Variants in PPP1R1A observed in about 807,000 individuals in gnomAD.
The protein encoded by PPP1R1A is protein phosphatase 1 regulatory subunit 1A.
PPP1R1A carries 18 observed loss-of-function variants against 23.9 expected under a neutral mutation model. The ratio of observed to expected loss-of-function variants is 0.75; its 90% CI spans 0.52 to 1.12. PPP1R1A has a LOEUF of 1.12. PPP1R1A is among the 50% of genes most tolerant of loss of function. PPP1R1A has a pLI of 0.00. For synonymous variants in PPP1R1A, 84 were observed against 80.7 expected (o/e 1.04, Z -0.22); for missense variants, 207 against 223.8 (o/e 0.92, Z 0.48).
intron 4 of PPP1R1A, 77 bp downstream of exon 4, chr12:54,582,655 C>T: frequency 6.6e-7 from 1 of 1,516,038 alleles, no homozygotes; most frequent in Non-Finnish European, 9.1e-7. Context: ...TTAACGACCT[C>T]CCTTCCAAAG....
chr12:54,583,383 G>A (rs1331809616), intron 2 of PPP1R1A, 135 bp from the exon 3 acceptor site: 12 of 813,396 alleles, frequency 1.5e-5, no homozygotes, highest in Non-Finnish European at 1.9e-5. Context: ...CCAGGCTCTT[G>A]GCCCTCATGG....
chr12:54,584,459 C>A (rs953012159), intron 1 of PPP1R1A, 139 bp from the exon 2 acceptor site: 1 of 763,746 alleles, frequency 1.3e-6, no homozygotes, highest in Non-Finnish European at 2.1e-6. Flanking sequence ...CAGCTGGAGG[C>A]CATTATCCTA....
At chr12:54,585,101 T>C (rs1442362839) in intron 1 of PPP1R1A, among the ~76,000 whole-genome samples, 2 of 152,212 alleles carry the variant, frequency 1.3e-5, no homozygotes, top group Admixed American at 6.5e-5. Context: ...CCCCCCAGCC[T>C]GGGAGGACAG....
At chr12:54,585,898 A>C (rs1002437358) in intron 1 of PPP1R1A, among the ~76,000 whole-genome samples, 1 of 152,196 alleles carries the variant, frequency 6.6e-6, no homozygotes, top group Non-Finnish European at 1.5e-5. Context: ...AGGTCCCCGC[A>C]GTACCAGTCC....
At chr12:54,588,352 G>T in intron 1 of PPP1R1A, 53 bp downstream of exon 1, 2 of 1,439,106 alleles carry the variant, frequency 1.4e-6, no homozygotes, top group African/African-American at 1.5e-5. Flanking sequence ...CCAGTCCAGG[G>T]GTCCCTCGTC....
In PPP1R1A at chr12:54,582,017, G is replaced by C; in HGVS notation, c.362C>G (p.Thr121Arg). ...QESRPPGIPD[T>R]EVESRLGTSG... ...GGTGCCCAGCCTTGACTCCACTTCT[G>C]TGTCTGGGATCCCAGGTGGGCGGGA... The change falls in exon 5 of 7, where the codon ACA becomes AGA. Residue 121 changes from threonine (T) to arginine (R), a missense_variant. Coordinates refer to ENST00000257905, the MANE Select transcript of PPP1R1A (RefSeq NM_006741.4). The C allele has an allele frequency of 6.2e-7, 1 of 1,613,606 alleles. No homozygotes were observed. The highest frequency in any genetic ancestry group is 8.5e-7 in the Non-Finnish European group (1 of 1,179,736).
At chr12:54,584,381 C>A (rs1000689083) in intron 1 of PPP1R1A, 61 bp from the exon 2 acceptor site, 21 of 1,424,796 alleles carry the variant, frequency 1.5e-5, no homozygotes, top group Non-Finnish European at 2.0e-5. Context: ...AAAGCCCCAC[C>A]CAAAACCACT....
At chr12:54,586,487 C>G in intron 1 of PPP1R1A, among the ~76,000 whole-genome samples, 1 of 152,182 alleles carries the variant, frequency 6.6e-6, no homozygotes, top group South Asian at 2.1e-4. Context: ...TGTGGGCACC[C>G]CTCCACCGCC....
intron 1 of PPP1R1A, among the ~76,000 whole-genome samples, chr12:54,587,236 C>T (rs1957919240): frequency 6.6e-6 from 1 of 152,128 alleles, no homozygotes; most frequent in Non-Finnish European, 1.5e-5. Context: ...GCTGGAGCAA[C>T]AAAAATGACA....
chr12:54,586,928 G>C (rs1285653244), intron 1 of PPP1R1A, among the ~76,000 whole-genome samples: 1 of 152,182 alleles, frequency 6.6e-6, no homozygotes, highest in Non-Finnish European at 1.5e-5. Flanking sequence ...TCCTGGGTCT[G>C]AGGTTATCCT....
intron 1 of PPP1R1A, among the ~76,000 whole-genome samples, chr12:54,587,346 C>T (rs1305842652): frequency 2.0e-5 from 3 of 152,206 alleles, no homozygotes; most frequent in Admixed American, 2.0e-4. Flanking sequence ...AAACAGAGAA[C>T]TGACCTTGTG....
chr12:54,583,121 C>T, intron 3 of PPP1R1A, 90 bp downstream of exon 3: 1 of 1,389,202 alleles, frequency 7.2e-7, no homozygotes, highest in Non-Finnish European at 9.7e-7. Flanking sequence ...TCAAAAAGAT[C>T]CTAGAGATGG....
intron 1 of PPP1R1A, among the ~76,000 whole-genome samples, chr12:54,587,883 C>A (rs1957925826): frequency 6.6e-6 from 1 of 152,160 alleles, no homozygotes; most frequent in Non-Finnish European, 1.5e-5. Flanking sequence ...CCTGTTATCA[C>A]TTTCGGAGCC....
rs200354799 is a variant in PPP1R1A, at chr12:54,582,783, T to C, written c.196A>G (p.Met66Val). Residue 66 changes from methionine (M) to valine (V), a missense_variant, in exon 4 of 7, where the codon ATG becomes GTG. By Grantham distance (21) the Met-to-Val change is conservative. Coordinates refer to ENST00000257905, the MANE Select transcript of PPP1R1A (RefSeq NM_006741.4). ...PNPHLKSTLA[M>V]SPRQRKKMTR... Reference sequence around the variant, plus strand: ...ATCTTCTTCCGTTGCCGTGGAGACATTGCCAAAGTGGACTGTGAAGGGCAC... The same window carrying C: ...ATCTTCTTCCGTTGCCGTGGAGACACTGCCAAAGTGGACTGTGAAGGGCAC... The C allele has an allele frequency of 1.5e-4, 234 of 1,613,550 alleles. 1 individual carries two copies. The highest frequency in any genetic ancestry group is 3.5e-4 in the Middle Eastern group (2 of 5,704).
In PPP1R1A at chr12:54,579,909, C is replaced by CA. The variant is rs1479342241; in HGVS notation, c.*477dup. ...TGTCCAGCAGATGGAGCCCACCGCA[C>CA]AGTCACAGCTGGACACGGCACAGGC... On this transcript the variant is annotated 3_prime_UTR_variant, in exon 7 of 7. Coordinates refer to ENST00000257905, the MANE Select transcript of PPP1R1A (RefSeq NM_006741.4). The CA allele has an allele frequency of 1.0e-6, 1 of 986,628 alleles. No individual in the cohort carries two copies. The highest frequency in any genetic ancestry group is 1.7e-5 in the African/African-American group (1 of 57,266). The allele number at this position is 986,628 out of a possible 1,614,324, so 61.1% of individuals were successfully genotyped here. A position where few individuals can be genotyped will look rare whatever the true frequency, so the allele number is the denominator to read the frequency against.
Position 54,579,705 on chromosome 12 carries a change from A to G in PPP1R1A, c.*682T>C. 1.0e-6 allele frequency: 1 copy of G among 985,412 alleles called. No homozygotes were observed. The highest frequency in any genetic ancestry group is 1.2e-6 in the Non-Finnish European group (1 of 829,970). The allele number at this position is 985,412 out of a possible 1,614,324, so 61.0% of individuals were successfully genotyped here. A position where few individuals can be genotyped will look rare whatever the true frequency, so the allele number is the denominator to read the frequency against. On this transcript the variant is annotated 3_prime_UTR_variant, in exon 7 of 7. Coordinates refer to ENST00000257905, the MANE Select transcript of PPP1R1A (RefSeq NM_006741.4). ...TTAATAGCCACTGTGTTCTCTATCC[A>G]TTGTTGCTAACGGGTTGAAATAAGG... is the stretch of plus-strand genomic sequence containing the variant.
intron 1 of PPP1R1A, among the ~76,000 whole-genome samples, chr12:54,585,743 A>G (rs1038038907): frequency 1.3e-5 from 2 of 148,770 alleles, no homozygotes; most frequent in Non-Finnish European, 3.0e-5. Flanking sequence ...AGTGGGGGGT[A>G]CTGGCTATGG....
chr12:54,581,053 G>T lies in PPP1R1A; in HGVS notation c.404-3C>A, dbSNP rs113886639. The stretch of plus-strand genomic sequence containing the variant: ...TTTAGGGATGCATTCTGCAGTTTCT[G>T]GGGAGGGAACATAGGGGTGGGAGGA... On this transcript the variant is annotated splice_region_variant and splice_polypyrimidine_tract_variant and intron_variant, in intron 5 of 6. Transcript: ENST00000257905. The surrounding 1 kb of genome is among the most constrained non-coding windows in gnomAD (Gnocchi z 4.1). 1 of 1,605,856 alleles carries T rather than the reference G, an allele frequency of 6.2e-7. No homozygotes were observed. The highest frequency in any genetic ancestry group is 8.5e-7 in the Non-Finnish European group (1 of 1,172,720).
At chr12:54,583,489 C>T (rs999607060) in intron 2 of PPP1R1A, among the ~76,000 whole-genome samples, 3 of 152,198 alleles carry the variant, frequency 2.0e-5, no homozygotes, top group Admixed American at 1.3e-4. Flanking sequence ...GGTCAATTTG[C>T]GTCTGCATCT....
Sources: allele counts gnomAD v4.1 joint callset (sites outside exome capture counted in the v4.1 genomes callset), GRCh38; gene constraint gnomAD v4.1.1; non-coding constraint Gnocchi (gnomAD v3.1); transcripts MANE v1.5; gene names NCBI Gene and HGNC (gene_info 2026-07-23, HGNC 2026-07-21).